The following PML variants were observed in gnomAD, a reference collection of about 807,000 sequenced individuals.
The protein encoded by PML is PML nuclear body scaffold.
Under a neutral mutation model 65.2 loss-of-function variants are expected in PML, and 28 were observed. That is an observed-to-expected ratio of 0.43 (90% CI 0.32 to 0.59). The LOEUF is 0.59. PML is among the 20% of genes least tolerant of loss of function. The pLI is 0.08. For missense variants in PML, 1,021 were observed against 1,203.4 expected (o/e 0.85, Z 2.24); for synonymous variants, 500 against 508.8 (o/e 0.98, Z 0.23).
At chr15:74,016,916 C>T (rs917931665) in intron 2 of PML, among the ~76,000 whole-genome samples, 1 of 150,902 alleles carries the variant, frequency 6.6e-6, no homozygotes, top group South Asian at 2.1e-4. Flanking sequence ...CCTGCCTCAG[C>T]CTCCTGAGTA....
chr15:74,028,177 A>G (rs2071165239), intron 4 of PML: 1 of 152,160 alleles, frequency 6.6e-6, no homozygotes, highest in Non-Finnish European at 1.5e-5. Context: ...ACTTTAATGG[A>G]AAAAAATAAA....
rs768084783 is a variant in PML, at chr15:74,035,405, C to T, written c.1710+875C>T. 3.1e-6 allele frequency: 5 copies of T among 1,611,908 alleles called. No individual in the cohort carries two copies. In the East Asian group the frequency reaches 6.7e-5, roughly 22 times the overall value. Reference sequence around the variant, plus strand: ...GCGAGCCTCCTGATCACCAGGAGCGCCCTGCCGTCCACCGTGGGATCCGCT... The same window carrying T: ...GCGAGCCTCCTGATCACCAGGAGCGTCCTGCCGTCCACCGTGGGATCCGCT... On this transcript the variant is annotated intron_variant, in intron 7 of 8. Coordinates refer to ENST00000268058, the MANE Select transcript of PML (RefSeq NM_033238.3). The surrounding 1 kb of genome is among the most constrained non-coding windows in gnomAD (Gnocchi z 4.1).
intron 2 of PML, among the ~76,000 whole-genome samples, chr15:74,008,655 C>T (rs1323550186): frequency 2.0e-5 from 3 of 151,338 alleles, no homozygotes; most frequent in South Asian, 2.1e-4. Context: ...GGGAGAATGG[C>T]GTGAACCCAG....
chr15:74,032,566 T>G lies in PML; in HGVS notation c.1255-6T>G. ...CATTTCTGACTCAATTTTCCCAACT[T>G]TGCAGCCCGAGGAGGCAGAGAGAGT... On this transcript the variant is annotated splice_polypyrimidine_tract_variant and splice_region_variant and intron_variant, in intron 4 of 8. Transcript: ENST00000268058. 1 of 1,614,046 alleles carries G rather than the reference T, an allele frequency of 6.2e-7. No homozygotes were observed. The highest frequency in any genetic ancestry group is 8.5e-7 in the Non-Finnish European group (1 of 1,179,958).
Position 74,035,303 on chromosome 15 carries a change from T to C in PML, c.1710+773T>C. The C allele has an allele frequency of 3.1e-6, 5 of 1,613,100 alleles. No homozygotes were observed. The highest frequency in any genetic ancestry group is 4.2e-6 in the Non-Finnish European group (5 of 1,179,940). On this transcript the variant is annotated intron_variant, in intron 7 of 8. Transcript: ENST00000268058. The surrounding 1 kb of genome is among the most constrained non-coding windows in gnomAD (Gnocchi z 4.1). ...CACAAGGAGCCTCCAGCCTGCCCTG[T>C]GGCACATACCACCCCCCAGCTTGGC...
intron 5 of PML, among the ~76,000 whole-genome samples, chr15:74,032,950 G>T (rs1484690042): frequency 4.6e-5 from 7 of 152,258 alleles, no homozygotes; most frequent in Non-Finnish European, 1.0e-4. Flanking sequence ...AGGGTTGTCA[G>T]AGGCCAGCAG....
intron 2 of PML, among the ~76,000 whole-genome samples, chr15:74,004,283 T>C (rs958014700): frequency 1.3e-5 from 2 of 151,532 alleles, no homozygotes; most frequent in Admixed American, 6.6e-5. Context: ...CTAATAAATA[T>C]AGTTGGATGG....
chr15:74,002,910 G>C (rs2069847193), intron 2 of PML, among the ~76,000 whole-genome samples: 1 of 152,094 alleles, frequency 6.6e-6, no homozygotes, highest in South Asian at 2.1e-4. Flanking sequence ...TGGATATTTT[G>C]AGCCCAGGAG....
In PML at chr15:74,043,297, C is replaced by T; in HGVS notation, c.1861+158C>T. 3 of 1,508,756 alleles carry T rather than the reference C, an allele frequency of 2.0e-6. No homozygotes were observed. The highest frequency in any genetic ancestry group is 2.2e-4 in the Middle Eastern group (1 of 4,632). 93.5% of individuals were successfully genotyped at this position (1,508,756 alleles called of 1,614,324 possible). Reference sequence around the variant, plus strand: ...AGAGCACTCCGGCTCACCTGGGCTCCTGGCGTGTCATTTGCTGGCTTGAAT... The same window carrying T: ...AGAGCACTCCGGCTCACCTGGGCTCTTGGCGTGTCATTTGCTGGCTTGAAT... On this transcript the variant is annotated intron_variant, in intron 8 of 8. Transcript: ENST00000268058. The surrounding 1 kb of genome is among the most constrained non-coding windows in gnomAD (Gnocchi z 4.3).
intron 2 of PML, among the ~76,000 whole-genome samples, chr15:74,004,822 T>C (rs920857570): frequency 1.1e-4 from 16 of 152,040 alleles, no homozygotes; most frequent in Middle Eastern, 3.4e-3. Context: ...TTCTCATGCC[T>C]CAGCCTCCCA....
rs1302132400 is a variant in PML at position 74,035,346 on chromosome 15, G to C, written c.1710+816G>C. 1.2e-6 allele frequency: 2 copies of C among 1,611,924 alleles called. No homozygotes were observed. Among genetic ancestry groups the C allele is most frequent in the East Asian group, 4.5e-5 (2 of 44,854 alleles). ...AGCTTGGCCTCCCCACCAGCCCGCT[G>C]AGCAGGCTGCCACCCCCGATGCTGA... On this transcript the variant is annotated intron_variant, in intron 7 of 8. Coordinates refer to ENST00000268058, the MANE Select transcript of PML (RefSeq NM_033238.3). The surrounding 1 kb of genome is among the most constrained non-coding windows in gnomAD (Gnocchi z 4.1).
intron 2 of PML, among the ~76,000 whole-genome samples, chr15:74,010,925 G>T (rs1286175511): frequency 6.6e-6 from 1 of 152,220 alleles, no homozygotes; most frequent in African/African-American, 2.4e-5. Flanking sequence ...TCTATAAGTT[G>T]CATCTAAAAC....
At chr15:74,034,456 C>T in intron 6 of PML, 22 bp from the exon 7 acceptor site, 2 of 1,614,160 alleles carry the variant, frequency 1.2e-6, no homozygotes, top group South Asian at 1.1e-5. Flanking sequence ...GTTCATAATG[C>T]ATCTCCCCTT....
intron 2 of PML, among the ~76,000 whole-genome samples, chr15:74,013,193 C>A (rs1263560520): frequency 6.6e-6 from 1 of 152,174 alleles, no homozygotes; most frequent in Non-Finnish European, 1.5e-5. Flanking sequence ...GCTTAAATTA[C>A]TTCTCCTCCA....
rs535665071 is a variant in PML, at chr15:74,016,792, C to CTTTT, written c.603-6017_603-6014dup. On this transcript the variant is annotated intron_variant, in intron 2 of 8. Coordinates refer to ENST00000268058, the MANE Select transcript of PML (RefSeq NM_033238.3). The stretch of plus-strand genomic sequence containing the variant: ...TTTTGAATTTTTTAGGCAGTGGCAT[C>CTTTT]TTTTTTTTTTTTTTTTTTTTTTGAG... 2.3e-4 allele frequency among the ~76,000 whole-genome samples: 18 copies of CTTTT among 77,650 alleles called. 2 individuals are homozygous for CTTTT. Among genetic ancestry groups the CTTTT allele is most frequent in the African/African-American group, 5.3e-4 (11 of 20,900 alleles). 50.9% of individuals were successfully genotyped at this position (77,650 alleles called of 152,430 possible). A position where few individuals can be genotyped will look rare whatever the true frequency, so the allele number is the denominator to read the frequency against.
intron 7 of PML, among the ~76,000 whole-genome samples, chr15:74,039,332 A>G (rs1397455987): frequency 6.6e-6 from 1 of 152,202 alleles, no homozygotes; most frequent in Non-Finnish European, 1.5e-5. Flanking sequence ...CATGTGCAGT[A>G]TTCCTGGGGT....
At position 74,016,223 on chromosome 15, in the gene PML, G is replaced by C. The variant is rs554528886; in HGVS notation, c.603-6605G>C. Among the ~76,000 whole-genome samples the C allele has an allele frequency of 2.6e-4, 39 of 152,180 alleles. No homozygotes were observed. The East Asian group carries it at 7.3e-3, about 29-fold the overall frequency. ...ACCCAGGAGGCAGAGGTTGCAATGA[G>C]CCGAGATTGCCCCACTTTACTCCAG... On this transcript the variant is annotated intron_variant, in intron 2 of 8. Coordinates refer to ENST00000268058, the MANE Select transcript of PML (RefSeq NM_033238.3).
In PML at chr15:74,035,425, T is replaced by G; in HGVS notation, c.1710+895T>G. 1 of 1,612,106 alleles carries G rather than the reference T, an allele frequency of 6.2e-7. No individual in the cohort carries two copies. The highest frequency in any genetic ancestry group is 8.5e-7 in the Non-Finnish European group (1 of 1,179,964). ...GAGCGCCCTGCCGTCCACCGTGGGA[T>G]CCGCTACCTGTTGTACAGAGCACAG... On this transcript the variant is annotated intron_variant, in intron 7 of 8. Transcript: ENST00000268058. The surrounding 1 kb of genome is among the most constrained non-coding windows in gnomAD (Gnocchi z 4.1).
chr15:73,996,977 G>T (rs1237343388), intron 1 of PML, among the ~76,000 whole-genome samples: 1 of 152,208 alleles, frequency 6.6e-6, no homozygotes, highest in African/African-American at 2.4e-5. Context: ...AAAGAGTGAA[G>T]CAATGAAAGC....
Sources: gnomAD v4.1 joint callset for allele counts (sites outside exome capture counted in the v4.1 genomes callset) on GRCh38, gnomAD v4.1.1 for gene constraint, Gnocchi (gnomAD v3.1) non-coding constraint, MANE v1.5 for transcripts, NCBI Gene and HGNC (gene_info 2026-07-23, HGNC 2026-07-21) for gene names.